The following TRAPPC8 variants were observed in gnomAD, a reference collection of about 807,000 sequenced individuals.
TRAPPC8 encodes the protein general sporulation gene 1 homolog.
A neutral mutation model predicts 174.3 loss-of-function variants in TRAPPC8; 54 were observed. That is an observed-to-expected ratio of 0.31 (90% confidence interval 0.25 to 0.39). The LOEUF is 0.39. TRAPPC8 is among the 10% of genes least tolerant of loss of function. The probability of loss-of-function intolerance (pLI) is 1.00; values close to 1 mark genes in which losing one functional copy is unlikely to be tolerated. For synonymous variants in TRAPPC8, 630 were observed against 579.9 expected (o/e 1.09, Z -1.24); for missense variants, 1,531 against 1,699.1 (o/e 0.90, Z 1.74).
chr18:31,834,001 C>CAAAAAAAAA (rs35469149), intron 27 of TRAPPC8, among the ~76,000 whole-genome samples: 4 of 101,128 alleles, frequency 4.0e-5, no homozygotes, highest in African/African-American at 1.8e-4. Context: ...GACTCCGTCT[C>CAAAAAAAAA]AAAAAAAAAA....
chr18:31,871,192 A>T (rs1204967469), intron 14 of TRAPPC8, 72 bp from the exon 15 acceptor site: 6 of 882,086 alleles, frequency 6.8e-6, no homozygotes, highest in Non-Finnish European at 9.8e-6. Context: ...AATAGACATA[A>T]GGTACAGAAA....
At chr18:31,925,949 A>G (rs1437394958) in intron 2 of TRAPPC8, among the ~76,000 whole-genome samples, 2 of 152,164 alleles carry the variant, frequency 1.3e-5, no homozygotes, top group Non-Finnish European at 1.5e-5. Context: ...TTTCTCAGGA[A>G]GCTACTAGAG....
chr18:31,916,426 T>G lies in TRAPPC8; in HGVS notation c.463A>C (p.Ser155Arg). The G allele has an allele frequency of 6.2e-7, 1 of 1,610,766 alleles. No individual in the cohort carries two copies. The highest frequency in any genetic ancestry group is 8.5e-7 in the Non-Finnish European group (1 of 1,179,116). ...AACTGTTCCACAGGTTCAGCTTCACTAGATGACGCTACCAACATACCTTGT... is the reference window on the plus strand; with the variant it reads ...AACTGTTCCACAGGTTCAGCTTCACGAGATGACGCTACCAACATACCTTGT... ...YLACMLVASS[S>R]EAEPVEQFSK... The change falls in exon 4 of 29, where the codon AGT becomes CGT. Residue 155 changes from serine (S) to arginine (R), a missense_variant. Transcript: ENST00000283351.
intron 20 of TRAPPC8, among the ~76,000 whole-genome samples, chr18:31,856,478 A>G (rs1260073567): frequency 1.3e-5 from 2 of 152,100 alleles, no homozygotes; most frequent in Non-Finnish European, 2.9e-5. Context: ...GGCCCACCTC[A>G]GCCTCCCAAA....
chr18:31,941,269 CCTGTCTCTACTAAAAATACA>C (rs1490473612), intron 1 of TRAPPC8, among the ~76,000 whole-genome samples: 2 of 152,044 alleles, frequency 1.3e-5, no homozygotes, highest in African/African-American at 4.8e-5. Context: ...ATGGAGAAAC[CCTGTCTCTACTAAAAATACA>C]AAAATTATCC....
chr18:31,873,415 TA>T lies in TRAPPC8; in HGVS notation c.2062+14del. On this transcript the variant is annotated intron_variant, in intron 14 of 28. Transcript: ENST00000283351. Reference sequence around the variant, plus strand: ...ATTGTCATTAGGTAATTAGGCTAAATAAAACTTTACTAACCATCCGCTGGTC... The same window carrying T: ...ATTGTCATTAGGTAATTAGGCTAAATAAACTTTACTAACCATCCGCTGGTC... The T allele has an allele frequency of 6.3e-7, 1 of 1,596,846 alleles. No homozygotes were observed. Among genetic ancestry groups the T allele is most frequent in the Non-Finnish European group, 8.6e-7 (1 of 1,169,076 alleles).
At chr18:31,851,847 AG>A (rs2033720860) in intron 24 of TRAPPC8, among the ~76,000 whole-genome samples, 1 of 152,148 alleles carries the variant, frequency 6.6e-6, no homozygotes, top group South Asian at 2.1e-4. Flanking sequence ...TTTCCCTAAT[AG>A]AAAAGCTCCC....
At chr18:31,896,902 GCATGAGC>G (rs2036208869) in intron 11 of TRAPPC8, among the ~76,000 whole-genome samples, 1 of 152,186 alleles carries the variant, frequency 6.6e-6, no homozygotes, top group Non-Finnish European at 1.5e-5. Context: ...AGGATTACAG[GCATGAGC>G]CATCATGCCT....
Position 31,873,455 on chromosome 18 carries a change from A to C in TRAPPC8, c.2037T>G (p.Phe679Leu). The C allele has an allele frequency of 6.2e-7, 1 of 1,602,218 alleles. No individual in the cohort carries two copies. The highest frequency in any genetic ancestry group is 8.5e-7 in the Non-Finnish European group (1 of 1,172,650). The part of the protein sequence containing the change: ...YINSSATRVF[F>L]GHDRRPADGE... ...CATCCGCTGGTCGTCTGTCATGGCC[A>C]AAAAAAACCCGTGTTGCTGAACTGT... is the stretch of plus-strand genomic sequence containing the variant. The change falls in exon 14 of 29, where the codon TTT (phenylalanine) becomes TTG (leucine). Residue 679 changes from phenylalanine to leucine, a missense_variant. Phe to Leu is a conservative substitution (Grantham distance 22). Transcript: ENST00000283351.
At chr18:31,831,967 CAAAA>C (rs1274184367) in intron 28 of TRAPPC8, 113 bp downstream of exon 28, 1 of 650,422 alleles carries the variant, frequency 1.5e-6, no homozygotes, top group Non-Finnish European at 2.4e-6. Flanking sequence ...TATTACCAAA[CAAAA>C]AACCAGGACA....
At chr18:31,871,213 T>A (rs2034843500) in intron 14 of TRAPPC8, 93 bp from the exon 15 acceptor site, 13 of 614,106 alleles carry the variant, frequency 2.1e-5, no homozygotes, top group South Asian at 7.7e-5. Flanking sequence ...TAAAAAAATA[T>A]ATATATATAC....
At chr18:31,915,466 A>C (rs2037092096) in intron 4 of TRAPPC8, among the ~76,000 whole-genome samples, 1 of 115,342 alleles carries the variant, frequency 8.7e-6, no homozygotes, top group Non-Finnish European at 1.8e-5. Flanking sequence ...CCATCAAAAA[A>C]AAAGGGGGGG....
At chr18:31,914,510 A>T (rs2037051012) in intron 4 of TRAPPC8, among the ~76,000 whole-genome samples, 1 of 152,236 alleles carries the variant, frequency 6.6e-6, no homozygotes. Flanking sequence ...TAGTCATTTC[A>T]AATTTTTTCT....
intron 2 of TRAPPC8, among the ~76,000 whole-genome samples, chr18:31,919,237 C>T (rs1455607515): frequency 6.6e-6 from 1 of 152,012 alleles, no homozygotes; most frequent in African/African-American, 2.4e-5. Flanking sequence ...CACCTATAAT[C>T]CTAACACTTT....
At chr18:31,840,722 T>G (rs116171612) in intron 26 of TRAPPC8, among the ~76,000 whole-genome samples, 168 of 152,306 alleles carry the variant, frequency 1.1e-3, no homozygotes, top group African/African-American at 4.0e-3. Context: ...GTCAATCTGG[T>G]GAGCAAAACC....
At chr18:31,893,402 T>TGTGTGTGTGC (rs1491520716) in intron 11 of TRAPPC8, among the ~76,000 whole-genome samples, 115 of 138,346 alleles carry the variant, frequency 8.3e-4, no homozygotes, top group African/African-American at 2.7e-3. Flanking sequence ...TGTGTGTGTG[T>TGTGTGTGTGC]GCGCGCGCGC....
intron 2 of TRAPPC8, among the ~76,000 whole-genome samples, chr18:31,927,591 T>TG (rs1048826548): frequency 1.3e-3 from 196 of 152,096 alleles, no homozygotes; most frequent in African/African-American, 4.5e-3. Context: ...TTTCTTCAGA[T>TG]GGGGTCTCAA....
At chr18:31,908,728 T>C (rs1271301488) in intron 7 of TRAPPC8, 26 bp downstream of exon 7, 10 of 1,519,174 alleles carry the variant, frequency 6.6e-6, no homozygotes, top group Non-Finnish European at 8.8e-6. Flanking sequence ...ATTTTTAAAA[T>C]ACTAATCCAA....
chr18:31,851,436 T>A lies in TRAPPC8; in HGVS notation c.3561+1010A>T, dbSNP rs551477399. Among the ~76,000 whole-genome samples, 81 of 152,292 alleles carry A rather than the reference T, an allele frequency of 5.3e-4. 1 individual carries two copies. Among genetic ancestry groups the A allele is most frequent in the African/African-American group, 1.7e-3 (70 of 41,560 alleles). On this transcript the variant is annotated intron_variant, in intron 24 of 28. Transcript: ENST00000283351. Reference sequence around the variant, plus strand: ...CTACCCAAGTCCTGTGGAATCAGAATTTGCATATTAACAAGATTTCTGATA... The same window carrying A: ...CTACCCAAGTCCTGTGGAATCAGAAATTGCATATTAACAAGATTTCTGATA...
Sources: allele counts gnomAD v4.1 joint callset (sites outside exome capture counted in the v4.1 genomes callset), GRCh38; gene constraint gnomAD v4.1.1; transcripts MANE v1.5; gene names NCBI Gene and HGNC (gene_info 2026-07-23, HGNC 2026-07-21).